Variants in EIF3H observed in about 807,000 individuals in gnomAD.
EIF3H encodes the protein eukaryotic translation initiation factor 3 subunit H.
A neutral mutation model predicts 44.2 loss-of-function variants in EIF3H; 26 were observed. The ratio of observed to expected loss-of-function variants is 0.59; its 90% CI spans 0.43 to 0.82. The LOEUF is 0.82. Among genes scored for constraint, EIF3H ranks in the 40% least tolerant of loss-of-function variants. The pLI is 0.00. For synonymous variants in EIF3H, 166 were observed against 151.9 expected (o/e 1.09, Z -0.68); for missense variants, 359 against 432.8 (o/e 0.83, Z 1.51).
At chr8:116,707,557 G>A (rs540192338) in intron 2 of EIF3H, among the ~76,000 whole-genome samples, 3 of 32,130 alleles carry the variant, frequency 9.3e-5, no homozygotes, top group East Asian at 7.4e-4. Flanking sequence ...TATCTCATAC[G>A]TGAGATACTT....
At chr8:116,685,094 T>A (rs1452358797) in intron 2 of EIF3H, among the ~76,000 whole-genome samples, 1 of 152,206 alleles carries the variant, frequency 6.6e-6, no homozygotes, top group African/African-American at 2.4e-5. Flanking sequence ...ATTGATATTA[T>A]GCAAATCACT....
At chr8:116,723,251 A>C (rs1209090889) in intron 2 of EIF3H, among the ~76,000 whole-genome samples, 1 of 152,302 alleles carries the variant, frequency 6.6e-6, no homozygotes, top group Admixed American at 6.5e-5. Context: ...CTGCATTAAC[A>C]ATCTCTTCTT....
At chr8:116,679,178 G>A (rs1340479791) in intron 2 of EIF3H, among the ~76,000 whole-genome samples, 8 of 75,946 alleles carry the variant, frequency 1.1e-4, no homozygotes, top group African/African-American at 3.7e-4. Flanking sequence ...GTGGGGGTCA[G>A]CCCCCCGCCC....
intron 2 of EIF3H, among the ~76,000 whole-genome samples, chr8:116,710,034 A>G (rs1814546854): frequency 6.6e-6 from 1 of 152,200 alleles, no homozygotes. Context: ...CCCAGCGTTC[A>G]CACAGATTCC....
At chr8:116,697,449 G>C (rs1412221757) in intron 2 of EIF3H, among the ~76,000 whole-genome samples, 1 of 152,100 alleles carries the variant, frequency 6.6e-6, no homozygotes, top group African/African-American at 2.4e-5. Context: ...CTTAATGACT[G>C]GGAACAAAGA....
chr8:116,677,596 A>C (rs1464606617), intron 2 of EIF3H, among the ~76,000 whole-genome samples: 1 of 152,268 alleles, frequency 6.6e-6, no homozygotes. Context: ...TAACAATAAT[A>C]GCTTCCATTT....
At chr8:116,708,734 A>G (rs1170060515) in intron 2 of EIF3H, among the ~76,000 whole-genome samples, 1 of 152,124 alleles carries the variant, frequency 6.6e-6, no homozygotes, top group Non-Finnish European at 1.5e-5. Context: ...AACATGAAAT[A>G]TATATTTTAA....
intron 1 of EIF3H, among the ~76,000 whole-genome samples, chr8:116,743,009 A>C (rs35905748): frequency 6.6e-6 from 1 of 152,304 alleles, no homozygotes; most frequent in East Asian, 1.9e-4. Flanking sequence ...GAATGAAACC[A>C]AAGCTGATGC....
At chr8:116,663,967 T>C (rs1214334945) in intron 2 of EIF3H, among the ~76,000 whole-genome samples, 2 of 150,148 alleles carry the variant, frequency 1.3e-5, no homozygotes, top group East Asian at 2.0e-4. Flanking sequence ...TGGTCGTTAC[T>C]ATTAGGCCAA....
chr8:116,649,061 G>A (rs925488510), intron 5 of EIF3H, 135 bp from the exon 6 acceptor site: 3 of 671,300 alleles, frequency 4.5e-6, no homozygotes, highest in Admixed American at 3.9e-5. Flanking sequence ...ATAAAAGCAA[G>A]AGCAGAGGAA....
chr8:116,732,613 T>C (rs1395532743), intron 1 of EIF3H, among the ~76,000 whole-genome samples: 3 of 151,996 alleles, frequency 2.0e-5, no homozygotes, highest in South Asian at 2.1e-4. Flanking sequence ...TCTTTCTGCA[T>C]AGAATCACTA....
At chr8:116,736,139 G>C (rs1035725670) in intron 1 of EIF3H, among the ~76,000 whole-genome samples, 2 of 152,172 alleles carry the variant, frequency 1.3e-5, no homozygotes, top group African/African-American at 4.8e-5. Context: ...TGTTATGTAT[G>C]ACACATATGA....
intron 2 of EIF3H, among the ~76,000 whole-genome samples, chr8:116,664,024 G>A (rs1333745946): frequency 2.0e-5 from 3 of 151,674 alleles, no homozygotes; most frequent in South Asian, 2.1e-4. Context: ...AGTTGAGCTC[G>A]TGCCGCAAAA....
At chr8:116,707,838 C>T (rs1332267420) in intron 2 of EIF3H, among the ~76,000 whole-genome samples, 2 of 152,124 alleles carry the variant, frequency 1.3e-5, no homozygotes, top group African/African-American at 2.4e-5. Flanking sequence ...TAATCTGACC[C>T]TATTATTATT....
At chr8:116,721,944 T>G (rs1447139708) in intron 2 of EIF3H, among the ~76,000 whole-genome samples, 1 of 152,218 alleles carries the variant, frequency 6.6e-6, no homozygotes, top group East Asian at 1.9e-4. Context: ...GACTGTGGAC[T>G]TTTGAGTTAA....
intron 2 of EIF3H, among the ~76,000 whole-genome samples, chr8:116,710,643 T>A (rs1359453270): frequency 6.6e-6 from 1 of 152,214 alleles, no homozygotes; most frequent in Admixed American, 6.5e-5. Context: ...ATACAATATG[T>A]CTACAAGTCA....
chr8:116,730,703 T>C (rs572690428), intron 1 of EIF3H, among the ~76,000 whole-genome samples: 2 of 152,256 alleles, frequency 1.3e-5, no homozygotes, highest in African/African-American at 4.8e-5. Flanking sequence ...TCGTGAATGT[T>C]CCCATAAAAA....
intron 2 of EIF3H, among the ~76,000 whole-genome samples, chr8:116,712,206 T>G (rs1378222095): frequency 1.3e-5 from 2 of 152,210 alleles, no homozygotes; most frequent in Non-Finnish European, 2.9e-5. Context: ...AAACTCCTTC[T>G]ACCACAGATG....
intron 1 of EIF3H, among the ~76,000 whole-genome samples, chr8:116,740,876 T>C (rs1465123980): frequency 6.6e-6 from 1 of 152,110 alleles, no homozygotes; most frequent in East Asian, 1.9e-4. Context: ...GGTTACCTTA[T>C]CTACCCTACC....
Sources: allele counts gnomAD v4.1 joint callset (sites outside exome capture counted in the v4.1 genomes callset), GRCh38; gene constraint gnomAD v4.1.1; transcripts MANE v1.5; gene names NCBI Gene and HGNC (gene_info 2026-07-23, HGNC 2026-07-21).